Variants in PLAA observed in about 807,000 individuals in gnomAD.
PLAA encodes phospholipase A-2-activating protein.
In PLAA, 48 loss-of-function variants were observed where a neutral mutation model predicts 84.1. The ratio of observed to expected loss-of-function variants is 0.57; its 90% CI spans 0.45 to 0.73. The LOEUF is 0.73. PLAA is among the 30% of genes least tolerant of loss of function. PLAA has a pLI of 0.00. For synonymous variants in PLAA, 392 were observed against 336.6 expected (o/e 1.16, Z -1.80); for missense variants, 903 against 954.7 (o/e 0.95, Z 0.71).
At chr9:26,927,127 C>CTTTTTTTTTTTTTTTTT (rs10672584) in intron 4 of PLAA, among the ~76,000 whole-genome samples, 8 of 136,776 alleles carry the variant, frequency 5.8e-5, no homozygotes, top group East Asian at 2.4e-4. Flanking sequence ...TTTTGTTTTT[C>CTTTTTTTTTTTTTTTTT]TTTTTTTTTT....
At chr9:26,916,828 T>C (rs947469720) in intron 10 of PLAA, 1 of 330,316 alleles carries the variant, frequency 3.0e-6, no homozygotes, top group East Asian at 8.9e-5. Context: ...ACCTATATTC[T>C]TAACTATACT....
At chr9:26,933,278 A>C (rs1486588694) in intron 2 of PLAA, among the ~76,000 whole-genome samples, 3 of 147,160 alleles carry the variant, frequency 2.0e-5, no homozygotes. Context: ...AAAAAAAAAA[A>C]CCATAAAAAA....
chr9:26,917,092 C>T lies in PLAA; in HGVS notation c.1486+5G>A, dbSNP rs1824586566. ...AAAGATACATGAATCAAAACTACAT[C>T]CCACCTGTAAAAGGATCTGCTGTGG... On this transcript the variant is annotated splice_donor_5th_base_variant and intron_variant, in intron 10 of 13. Coordinates refer to ENST00000397292, the MANE Select transcript of PLAA (RefSeq NM_001031689.3). 1.2e-6 allele frequency: 2 copies of T among 1,611,888 alleles called. No homozygotes were observed. The highest frequency in any genetic ancestry group is 1.7e-6 in the Non-Finnish European group (2 of 1,178,144).
intron 2 of PLAA, among the ~76,000 whole-genome samples, 195 bp downstream of exon 2, chr9:26,934,818 C>G (rs539231229): frequency 1.2e-3 from 177 of 152,252 alleles, no homozygotes; most frequent in African/African-American, 4.1e-3. Flanking sequence ...ATAAGCATAT[C>G]AACCTTTACT....
intron 7 of PLAA, among the ~76,000 whole-genome samples, chr9:26,921,367 T>A (rs1342497033): frequency 6.6e-6 from 1 of 152,224 alleles, no homozygotes; most frequent in African/African-American, 2.4e-5. Flanking sequence ...CTAGTCCCCT[T>A]GCATTGGGCA....
Position 26,903,525 on chromosome 9 carries a change from G to GT in PLAA, c.*1985dup, listed in dbSNP as rs1269321362. Among the ~76,000 whole-genome samples, 1 of 152,140 alleles carries GT rather than the reference G, an allele frequency of 6.6e-6. No individual in the cohort carries two copies. The highest frequency in any genetic ancestry group is 1.5e-5 in the Non-Finnish European group (1 of 68,010). ...ACTATGCCACAAGATGTTAAGAATA[G>GT]TTTTCTCTAGATAGTGGCCTTACAG... is the stretch of plus-strand genomic sequence containing the variant. On this transcript the variant is annotated 3_prime_UTR_variant, in exon 14 of 14. Coordinates refer to ENST00000397292, the MANE Select transcript of PLAA (RefSeq NM_001031689.3).
At chr9:26,945,265 A>C (rs1825655509) in intron 1 of PLAA, among the ~76,000 whole-genome samples, 2 of 152,238 alleles carry the variant, frequency 1.3e-5, no homozygotes, top group East Asian at 3.8e-4. Context: ...GTACAGTCCC[A>C]AAAGTTTAAT....
intron 13 of PLAA, 37 bp from the exon 14 acceptor site, chr9:26,906,113 T>A: frequency 1.5e-6 from 2 of 1,300,486 alleles, no homozygotes; most frequent in Non-Finnish European, 2.0e-6. Context: ...CTTATGAAAA[T>A]AAAGAAAATT....
intron 11 of PLAA, 135 bp downstream of exon 11, chr9:26,913,744 G>A (rs1824463825): frequency 1.7e-6 from 1 of 595,522 alleles, no homozygotes; most frequent in Non-Finnish European, 2.9e-6. Context: ...CAAAAAGCCA[G>A]ACAAGTTTGG....
chr9:26,915,821 T>C, intron 10 of PLAA: 1 of 985,406 alleles, frequency 1.0e-6, no homozygotes, highest in East Asian at 1.1e-4. Flanking sequence ...TGGTATTAGT[T>C]GAAGCTTGAT....
chr9:26,916,897 A>C (rs1824580937), intron 10 of PLAA, among the ~76,000 whole-genome samples, 200 bp downstream of exon 10: 1 of 152,112 alleles, frequency 6.6e-6, no homozygotes, highest in South Asian at 2.1e-4. Flanking sequence ...TATGCTATTT[A>C]AAAGTCACGA....
In PLAA at chr9:26,923,268, G is replaced by C. The variant is rs1357753819; in HGVS notation, c.949C>G (p.Leu317Val). ...TTAGAATCAATGGTTGCGTGAGACA[G>C]TTCTTTTTCAAAAGCCTTGATTTCT... The part of the protein sequence containing the change: ...AEEIKAFEKE[L>V]SHATIDSKTG... Residue 317 changes from leucine to valine, a missense_variant, in exon 7 of 14, where the codon CTG becomes GTG. Physicochemically the swap from Leu to Val is conservative, Grantham distance 32. Coordinates refer to ENST00000397292, the MANE Select transcript of PLAA (RefSeq NM_001031689.3). The C allele has an allele frequency of 6.2e-7, 1 of 1,613,650 alleles. No individual in the cohort carries two copies. The highest frequency in any genetic ancestry group is 1.3e-5 in the African/African-American group (1 of 74,918).
In PLAA at chr9:26,906,081, TA is replaced by T. The variant is rs761912683; in HGVS notation, c.1823-6del. The T allele has an allele frequency of 0.02, 22,333 of 1,096,536 alleles. No individual in the cohort carries two copies. Among genetic ancestry groups the T allele is most frequent in the South Asian group, 0.034 (1,672 of 49,424 alleles). 67.9% of individuals were successfully genotyped at this position (1,096,536 alleles called of 1,614,324 possible). On this transcript the variant is annotated splice_polypyrimidine_tract_variant and splice_region_variant and intron_variant, in intron 13 of 13. Transcript: ENST00000397292. The stretch of plus-strand genomic sequence containing the variant: ...CAAGTGCAGGAAAGACAATATCTAT[TA>T]AAAAAAAAAAGTCATTAATGCTTAT...
Position 26,936,191 on chromosome 9 carries a change from C to T in PLAA, c.150-985G>A, listed in dbSNP as rs568965796. Among the ~76,000 whole-genome samples the T allele has an allele frequency of 9.8e-4, 149 of 151,512 alleles. 3 individuals carry two copies. In the South Asian group the frequency reaches 0.025, roughly 25 times the overall value. On this transcript the variant is annotated intron_variant, in intron 1 of 13. Transcript: ENST00000397292. ...CTTCCTTCCCAAATTCCACTAAAAA[C>T]AATAAATACTTATGTTTTTTAATAA...
At chr9:26,920,773 T>C (rs996874468) in intron 7 of PLAA, among the ~76,000 whole-genome samples, 1 of 152,306 alleles carries the variant, frequency 6.6e-6, no homozygotes, top group Admixed American at 6.5e-5. Flanking sequence ...CGGCTACTTC[T>C]CAGCACCCCC....
chr9:26,904,666 T>C lies in PLAA; in HGVS notation c.*845A>G, dbSNP rs1424748753. Reference sequence around the variant, plus strand: ...AGGGCTCAAAAATAGTAATTTCACATGACAGGTTCTAGACTTTCAAATAAT... The same window carrying C: ...AGGGCTCAAAAATAGTAATTTCACACGACAGGTTCTAGACTTTCAAATAAT... On this transcript the variant is annotated 3_prime_UTR_variant, in exon 14 of 14. Coordinates refer to ENST00000397292, the MANE Select transcript of PLAA (RefSeq NM_001031689.3). The C allele has an allele frequency of 6.6e-6, 1 of 152,200 alleles. No homozygotes were observed. The allele number at this position is 152,200 out of a possible 1,614,324, so 9.4% of individuals were successfully genotyped here. A position where few individuals can be genotyped will look rare whatever the true frequency, so the allele number is the denominator to read the frequency against.
At chr9:26,907,690 G>T in intron 13 of PLAA, 144 bp downstream of exon 13, 1 of 650,132 alleles carries the variant, frequency 1.5e-6, no homozygotes, top group Non-Finnish European at 2.6e-6. Context: ...GTAGTGTAGT[G>T]AACCCTTTTC....
At chr9:26,917,321 A>G (rs1199148888) in intron 9 of PLAA, among the ~76,000 whole-genome samples, 156 bp from the exon 10 acceptor site, 1 of 152,230 alleles carries the variant, frequency 6.6e-6, no homozygotes, top group African/African-American at 2.4e-5. Context: ...CAGAAGTCTT[A>G]TAACTGGGAA....
chr9:26,939,551 C>T (rs1403937614), intron 1 of PLAA, among the ~76,000 whole-genome samples: 3 of 145,128 alleles, frequency 2.1e-5, no homozygotes, highest in Non-Finnish European at 3.0e-5. Context: ...AAAATGGCAT[C>T]GGTGATTACT....
Sources: allele counts gnomAD v4.1 joint callset (sites outside exome capture counted in the v4.1 genomes callset), GRCh38; gene constraint gnomAD v4.1.1; transcripts MANE v1.5; gene names NCBI Gene and HGNC (gene_info 2026-07-23, HGNC 2026-07-21).